Variants in SLC67A1 observed in about 807,000 individuals in gnomAD.
SLC67A1 encodes the protein solute carrier family 67 member 1, also known as solute carrier family 67 member A1.
At chr11:2,903,047 T>C in the SLC67A1 span, 3 of 439,812 alleles carry the variant, frequency 6.8e-6, no homozygotes, top group African/African-American at 2.0e-5. Context: ...CCTGCAGGGG[T>C]CGGGGGGAGC....
the SLC67A1 span, chr11:2,909,111 T>G: frequency 3.8e-6 from 5 of 1,327,170 alleles, no homozygotes; most frequent in South Asian, 4.7e-5. Context: ...GCCTCCCTGG[T>G]CAGCCCCGCC....
the SLC67A1 span, chr11:2,909,288 C>T: frequency 2.0e-6 from 3 of 1,534,242 alleles, no homozygotes; most frequent in African/African-American, 1.4e-5. Context: ...GCCTCCAGCC[C>T]GGCCCTGCCC....
At chr11:2,905,103 G>A in the SLC67A1 span, among the ~76,000 whole-genome samples, 4 of 152,216 alleles carry the variant, frequency 2.6e-5, no homozygotes, top group East Asian at 5.8e-4. Flanking sequence ...GGTTGAGTTT[G>A]AGACGATTTT....
the SLC67A1 span, among the ~76,000 whole-genome samples, chr11:2,914,281 G>C: frequency 5.9e-5 from 9 of 152,310 alleles, 1 homozygote; most frequent in South Asian, 1.2e-3. Context: ...GGAAGCCAGC[G>C]TGCCCCTGCG....
chr11:2,914,832 A>C, the SLC67A1 span: 1 of 985,440 alleles, frequency 1.0e-6, no homozygotes, highest in Non-Finnish European at 1.2e-6. Context: ...CCAGGGTCCC[A>C]AAGAAAGGGC....
chr11:2,914,802 T>C, the SLC67A1 span: 184 of 985,446 alleles, frequency 1.9e-4, no homozygotes, highest in Middle Eastern at 1.6e-3. Flanking sequence ...CCCTGAGCTG[T>C]GACACGCAGG....
At chr11:2,924,562 C>T in the SLC67A1 span, among the ~76,000 whole-genome samples, 1 of 152,204 alleles carries the variant, frequency 6.6e-6, no homozygotes, top group African/African-American at 2.4e-5. This position sits in a 1 kb window ranked among gnomAD's most constrained non-coding sequence, Gnocchi z 8.6. Context: ...CCCTGACAGC[C>T]TGGGCGGGAG....
chr11:2,919,261 GT>G, the SLC67A1 span: 1 of 1,425,796 alleles, frequency 7.0e-7, no homozygotes, highest in Admixed American at 1.7e-5. Flanking sequence ...GGGCGCCAAG[GT>G]CGGGGTGTGG....
the SLC67A1 span, chr11:2,909,325 C>T: frequency 6.5e-7 from 1 of 1,532,288 alleles, no homozygotes. Flanking sequence ...TCGCCTCGCG[C>T]CTGCCCGGAG....
At chr11:2,919,519 A>T in the SLC67A1 span, 1 of 754,540 alleles carries the variant, frequency 1.3e-6, no homozygotes, top group African/African-American at 1.7e-5. Context: ...TTGGCCTCCC[A>T]TCTGGCACAT....
the SLC67A1 span, among the ~76,000 whole-genome samples, chr11:2,913,672 C>T: frequency 1.3e-5 from 2 of 152,244 alleles, no homozygotes; most frequent in African/African-American, 4.8e-5. Flanking sequence ...CTCTGGACAG[C>T]CCCCTGCCCC....
the SLC67A1 span, chr11:2,916,652 G>T: frequency 6.2e-7 from 1 of 1,612,636 alleles, no homozygotes; most frequent in Non-Finnish European, 8.5e-7. Context: ...TGGCTGCCCT[G>T]GCCACCCTCC....
At chr11:2,913,537 G>A in the SLC67A1 span, among the ~76,000 whole-genome samples, 1 of 152,192 alleles carries the variant, frequency 6.6e-6, no homozygotes, top group African/African-American at 2.4e-5. Flanking sequence ...GGGGCACGCT[G>A]GAAGCCAGAC....
At chr11:2,900,475 C>T in the SLC67A1 span, among the ~76,000 whole-genome samples, 1,484 of 151,994 alleles carry the variant, frequency 9.8e-3, 27 homozygotes, top group African/African-American at 0.033. Context: ...GGGCGGATCA[C>T]GAGGTCAGGA....
At chr11:2,924,589 A>G in the SLC67A1 span, among the ~76,000 whole-genome samples, 1 of 152,132 alleles carries the variant, frequency 6.6e-6, no homozygotes, top group Non-Finnish European at 1.5e-5. The surrounding 1 kb of genome is among the most constrained non-coding windows in gnomAD (Gnocchi z 8.6). Flanking sequence ...GGCCCCAGGC[A>G]CAGATGCCAT....
At chr11:2,912,115 AG>A in the SLC67A1 span, among the ~76,000 whole-genome samples, 2 of 152,206 alleles carry the variant, frequency 1.3e-5, no homozygotes, top group African/African-American at 4.8e-5. Flanking sequence ...GGACTCCCTC[AG>A]GTTCCTCATA....
the SLC67A1 span, chr11:2,925,136 C>A: frequency 6.2e-7 from 1 of 1,613,888 alleles, no homozygotes; most frequent in Non-Finnish European, 8.5e-7. The surrounding 1 kb of genome is among the most constrained non-coding windows in gnomAD (Gnocchi z 6.5). Context: ...GCTATCAATA[C>A]CCTTGTCCTC....
At chr11:2,903,366 C>A in the SLC67A1 span, 1 of 1,613,006 alleles carries the variant, frequency 6.2e-7, no homozygotes, top group Non-Finnish European at 8.5e-7. Context: ...CTCGGGCTCC[C>A]AGGGACCAGG....
chr11:2,923,830 A>C, the SLC67A1 span, among the ~76,000 whole-genome samples: 1 of 152,210 alleles, frequency 6.6e-6, no homozygotes, highest in Non-Finnish European at 1.5e-5. This position sits in a 1 kb window ranked among gnomAD's most constrained non-coding sequence, Gnocchi z 6.5. Flanking sequence ...AGGAGCCAGC[A>C]TCTGGTTCCC....
Sources: gnomAD v4.1 joint callset for allele counts (sites outside exome capture counted in the v4.1 genomes callset) on GRCh38, gnomAD v4.1.1 for gene constraint, Gnocchi (gnomAD v3.1) non-coding constraint, MANE v1.5 for transcripts, NCBI Gene and HGNC (gene_info 2026-07-23, HGNC 2026-07-21) for gene names.